The following PHLPP1 variants were observed in gnomAD, a reference collection of about 807,000 sequenced individuals.
The protein encoded by PHLPP1 is PH domain and leucine rich repeat protein phosphatase 1.
A neutral mutation model predicts 117.2 loss-of-function variants in PHLPP1; 42 were observed. The ratio of observed to expected loss-of-function variants is 0.36; its 90% CI spans 0.28 to 0.46. PHLPP1 has a LOEUF of 0.46. Among genes scored for constraint, PHLPP1 ranks in the 20% least tolerant of loss-of-function variants. PHLPP1 has a pLI of 1.00. For synonymous variants in PHLPP1, 1,042 were observed against 970.7 expected, an observed-to-expected ratio of 1.07 and a Z score of -1.37; for missense variants, 2,084 against 2,241.9, an observed-to-expected ratio of 0.93 and a Z score of 1.42.
intron 15 of PHLPP1, 35 bp from the exon 16 acceptor site, chr18:62,975,362 G>A (rs1911159500): frequency 1.4e-6 from 2 of 1,448,380 alleles, no homozygotes; most frequent in Non-Finnish European, 1.9e-6. Context: ...CTGATGGGCT[G>A]TGTTTGAGTG....
chr18:62,754,340 A>T (rs183604390), intron 1 of PHLPP1, among the ~76,000 whole-genome samples: 1 of 152,210 alleles, frequency 6.6e-6, no homozygotes, highest in Admixed American at 6.5e-5. Flanking sequence ...GTGCACAGGA[A>T]TCTGTGCAGG....
intron 1 of PHLPP1, among the ~76,000 whole-genome samples, chr18:62,761,026 C>T (rs1004782996): frequency 1.3e-5 from 2 of 151,924 alleles, no homozygotes; most frequent in South Asian, 2.1e-4. Context: ...CACTGTCCAG[C>T]TAGTTTTTTT....
intron 10 of PHLPP1, among the ~76,000 whole-genome samples, chr18:62,920,618 G>C (rs1909436418): frequency 6.6e-6 from 1 of 152,148 alleles, no homozygotes; most frequent in Non-Finnish European, 1.5e-5. Context: ...GGAGTGCAGT[G>C]GTGTGATCTC....
chr18:62,945,169 C>T lies in PHLPP1; in HGVS notation c.3222C>T (p.Ala1074=), dbSNP rs752189652. The change falls in exon 12 of 17, where the codon GCC becomes GCT. Residue 1074 remains alanine (A), a synonymous_variant. Transcript: ENST00000262719. The part of the protein sequence containing the change: ...EIDLSGNKLK[A]IPTTIMNCRR... ...ATCTCAGTGGGAATAAGCTGAAAGC[C>T]ATCCCAACAACGATCATGAATTGCA... The T allele has an allele frequency of 1.9e-6, 3 of 1,612,508 alleles. No homozygotes were observed. In the South Asian group the frequency reaches 3.3e-5, roughly 18 times the overall value.
rs1434411148 is a variant in PHLPP1 at position 62,978,849 on chromosome 18, C to A, written c.4572C>A (p.Ser1524=). 6.2e-7 allele frequency: 1 copy of A among 1,607,656 alleles called. No individual in the cohort carries two copies. The highest frequency in any genetic ancestry group is 1.3e-5 in the African/African-American group (1 of 74,846). The change falls in exon 17 of 17, where the codon TCC becomes TCA. Residue 1524 remains serine (S), a synonymous_variant. Coordinates refer to ENST00000262719, the MANE Select transcript of PHLPP1 (RefSeq NM_194449.4). This position sits in a 1 kb window ranked among gnomAD's most constrained non-coding sequence, Gnocchi z 7.0. ...QRCMLHPICL[S]NSFQRQLSSA... is the part of the protein sequence containing the mutation. ...GCATGCTCCACCCCATCTGTCTGTC[C>A]AACTCCTTCCAGCGCCAGCTATCCA...
rs1018527303 is a variant in PHLPP1 at position 62,716,981 on chromosome 18, G to T, written c.1298G>T (p.Gly433Val). The part of the protein sequence containing the change: ...IDSPGGAVRE[G>V]SCEEKAAAAV... ...AGCCCGGGCGGGGCCGTCCGCGAGG[G>T]GTCGTGCGAGGAGAAGGCAGCGGCA... Residue 433 changes from glycine to valine, a missense_variant, in exon 1 of 17, where the codon GGG becomes GTG. Coordinates refer to ENST00000262719, the MANE Select transcript of PHLPP1 (RefSeq NM_194449.4). The surrounding 1 kb of genome is among the most constrained non-coding windows in gnomAD (Gnocchi z 5.7). 1 of 1,541,364 alleles carries T rather than the reference G, an allele frequency of 6.5e-7. No homozygotes were observed. Among genetic ancestry groups the T allele is most frequent in the Non-Finnish European group, 8.7e-7 (1 of 1,146,040 alleles).
chr18:62,976,484 T>A (rs1365187378), intron 16 of PHLPP1, among the ~76,000 whole-genome samples: 1 of 152,198 alleles, frequency 6.6e-6, no homozygotes, highest in African/African-American at 2.4e-5. Context: ...CAAACCATGA[T>A]TCATGTAGGT....
At chr18:62,737,386 A>G (rs1179026972) in intron 1 of PHLPP1, among the ~76,000 whole-genome samples, 1 of 152,220 alleles carries the variant, frequency 6.6e-6, no homozygotes, top group Non-Finnish European at 1.5e-5. Context: ...CTCGATAAGC[A>G]AGTCAAGTGG....
chr18:62,716,548 G>T lies in PHLPP1; in HGVS notation c.865G>T (p.Gly289Cys), dbSNP rs1038795971. ...GGTACCGCCCGCGAGGAGCGCGCCG[G>T]GTGCCTTCGGGGGGCCTCCGCGCGC... ...SEVPPARSAP[G>C]AFGGPPRAPP... is the part of the protein sequence containing the mutation. The change falls in exon 1 of 17, where the codon GGT becomes TGT. Residue 289 changes from glycine to cysteine, a missense_variant. By Grantham distance (159) the Gly-to-Cys change is radical. Coordinates refer to ENST00000262719, the MANE Select transcript of PHLPP1 (RefSeq NM_194449.4). This position sits in a 1 kb window ranked among gnomAD's most constrained non-coding sequence, Gnocchi z 5.7. 2 of 1,183,828 alleles carry T rather than the reference G, an allele frequency of 1.7e-6. No homozygotes were observed. The highest frequency in any genetic ancestry group is 3.2e-5 in the African/African-American group (2 of 62,240). The allele number at this position is 1,183,828 out of a possible 1,614,324, so 73.3% of individuals were successfully genotyped here. A position where few individuals can be genotyped will look rare whatever the true frequency, so the allele number is the denominator to read the frequency against.
rs1283243422 is a variant in PHLPP1 at position 62,980,328 on chromosome 18, T to C, written c.*897T>C. 2.0e-5 allele frequency: 3 copies of C among 152,690 alleles called. No individual in the cohort carries two copies. Among genetic ancestry groups the C allele is most frequent in the Non-Finnish European group, 1.5e-5 (1 of 68,046 alleles). The allele number at this position is 152,690 out of a possible 1,614,324, so 9.5% of individuals were successfully genotyped here. On this transcript the variant is annotated 3_prime_UTR_variant, in exon 17 of 17. Transcript: ENST00000262719. ...ACTGCTGCCACAATCAGCATGGTTG[T>C]ATAGTGCCCCATTAGGCCATTTACA...
Position 62,718,587 on chromosome 18 carries a change from C to T in PHLPP1, c.1576+1328C>T, listed in dbSNP as rs534901367. ...AGAAAACCAAATCGTAATACAGTAGCATTTGCAGTATCTGAAGACAATTTG... is the reference window on the plus strand; with the variant it reads ...AGAAAACCAAATCGTAATACAGTAGTATTTGCAGTATCTGAAGACAATTTG... On this transcript the variant is annotated intron_variant, in intron 1 of 16. Coordinates refer to ENST00000262719, the MANE Select transcript of PHLPP1 (RefSeq NM_194449.4). 2.6e-5 allele frequency among the ~76,000 whole-genome samples: 4 copies of T among 152,286 alleles called. 1 individual carries two copies. The highest frequency in any genetic ancestry group is 2.0e-4 in the Admixed American group (3 of 15,312).
chr18:62,722,143 T>C (rs1412510192), intron 1 of PHLPP1, among the ~76,000 whole-genome samples: 1 of 152,194 alleles, frequency 6.6e-6, no homozygotes, highest in Non-Finnish European at 1.5e-5. Context: ...ACTATTAATA[T>C]CTTCTATTTC....
At chr18:62,974,808 T>C (rs1911142898) in intron 15 of PHLPP1, among the ~76,000 whole-genome samples, 1 of 152,152 alleles carries the variant, frequency 6.6e-6, no homozygotes, top group South Asian at 2.1e-4. Context: ...TTTTCTAGAA[T>C]AGATGGTGCT....
chr18:62,734,450 C>T (rs1911313354), intron 1 of PHLPP1, among the ~76,000 whole-genome samples: 1 of 152,320 alleles, frequency 6.6e-6, no homozygotes, highest in South Asian at 2.1e-4. Flanking sequence ...CTGTACTACA[C>T]ACATGGCAAG....
chr18:62,931,552 G>T (rs1405234764), intron 10 of PHLPP1, among the ~76,000 whole-genome samples: 2 of 149,916 alleles, frequency 1.3e-5, no homozygotes, highest in Non-Finnish European at 3.0e-5. Flanking sequence ...CAAAAAGTTG[G>T]TTCTTTGAAA....
At chr18:62,835,174 A>G (rs1273473878) in intron 2 of PHLPP1, among the ~76,000 whole-genome samples, 1 of 151,388 alleles carries the variant, frequency 6.6e-6, no homozygotes, top group Non-Finnish European at 1.5e-5. Flanking sequence ...TTGAATAGAA[A>G]CAGTAGATAC....
chr18:62,869,421 A>AAC (rs1915846473), intron 4 of PHLPP1, among the ~76,000 whole-genome samples: 1 of 152,196 alleles, frequency 6.6e-6, no homozygotes, highest in Admixed American at 6.5e-5. Flanking sequence ...CCACAAAGTG[A>AAC]ACACATCCAT....
rs1383404426 is a variant in PHLPP1 at position 62,717,052 on chromosome 18, G to T, written c.1369G>T (p.Val457Leu). 6.5e-7 allele frequency: 1 copy of T among 1,546,526 alleles called. No homozygotes were observed. The highest frequency in any genetic ancestry group is 8.7e-7 in the Non-Finnish European group (1 of 1,146,322). ...GLQSTPGRSG[V>L]TAEKAPPPPP... ...CCAGTCTACCCCCGGGAGGAGCGGGGTGACCGCGGAGAAGGCGCCTCCGCC... is the reference window on the plus strand; with the variant it reads ...CCAGTCTACCCCCGGGAGGAGCGGGTTGACCGCGGAGAAGGCGCCTCCGCC... Residue 457 changes from valine to leucine, a missense_variant, in exon 1 of 17, where the codon GTG becomes TTG. Val to Leu is a conservative substitution (Grantham distance 32, BLOSUM62 1). Around this residue, in one of 2 missense-constraint regions of PHLPP1, gnomAD observed 1,365 missense variants for 1,605.9 expected, o/e 0.85. Coordinates refer to ENST00000262719, the MANE Select transcript of PHLPP1 (RefSeq NM_194449.4).
intron 1 of PHLPP1, among the ~76,000 whole-genome samples, chr18:62,748,334 T>C (rs1406795111): frequency 6.6e-6 from 1 of 151,410 alleles, no homozygotes; most frequent in African/African-American, 2.4e-5. Flanking sequence ...AGCCTCAGCC[T>C]CCTGGGCTCA....
Sources: gnomAD v4.1 joint callset for allele counts (sites outside exome capture counted in the v4.1 genomes callset) on GRCh38, gnomAD v4.1.1 for gene constraint, gnomAD v4.1.1 regional missense constraint, Gnocchi (gnomAD v3.1) non-coding constraint, MANE v1.5 for transcripts, NCBI Gene and HGNC (gene_info 2026-07-23, HGNC 2026-07-21) for gene names.